The following LRFN5 variants were observed in gnomAD, a reference collection of about 807,000 sequenced individuals.
LRFN5 encodes the protein leucine rich repeat and fibronectin type III domain containing 5, also known as leucine-rich repeat and fibronectin type-III domain-containing protein 5.
A neutral mutation model predicts 45.6 loss-of-function variants in LRFN5; 24 were observed. The observed-to-expected ratio is 0.53, with a 90% CI of 0.38 to 0.74. The LOEUF (loss-of-function observed/expected upper bound fraction) is 0.74, where lower values mean the gene tolerates loss of function less well. LRFN5 is among the 30% of genes least tolerant of loss of function. The probability of loss-of-function intolerance (pLI) is 0.00; values close to 1 mark genes in which losing one functional copy is unlikely to be tolerated. For synonymous variants in LRFN5, 340 were observed against 313.8 expected (o/e 1.08, Z -0.88); for missense variants, 776 against 861.5 (o/e 0.90, Z 1.24).
intron 1 of LRFN5, among the ~76,000 whole-genome samples, chr14:41,635,235 A>C (rs1213412057): frequency 6.6e-6 from 1 of 152,146 alleles, no homozygotes; most frequent in Non-Finnish European, 1.5e-5. Flanking sequence ...ATTGACCTAG[A>C]TACAGCCTTC....
At chr14:41,628,285 A>G (rs1473063782) in intron 1 of LRFN5, among the ~76,000 whole-genome samples, 2 of 152,162 alleles carry the variant, frequency 1.3e-5, no homozygotes, top group East Asian at 1.9e-4. Flanking sequence ...AAAGATTTCT[A>G]TCTTTAGGCT....
chr14:41,705,442 G>T (rs1883024262), intron 1 of LRFN5, among the ~76,000 whole-genome samples: 1 of 152,110 alleles, frequency 6.6e-6, no homozygotes, highest in South Asian at 2.1e-4. Flanking sequence ...ATACTATTTT[G>T]CATTATAAAA....
chr14:41,850,799 C>A (rs758476568), intron 2 of LRFN5, among the ~76,000 whole-genome samples: 3 of 151,358 alleles, frequency 2.0e-5, no homozygotes, highest in Non-Finnish European at 4.4e-5. Context: ...TTACACAGCA[C>A]CCCCTCCATG....
intron 1 of LRFN5, among the ~76,000 whole-genome samples, chr14:41,667,854 A>C (rs934167420): frequency 2.0e-5 from 3 of 152,130 alleles, no homozygotes; most frequent in Non-Finnish European, 4.4e-5. Flanking sequence ...ATACCTATTT[A>C]TAATTAGTTA....
chr14:41,661,054 G>A (rs977553649), intron 1 of LRFN5, among the ~76,000 whole-genome samples: 37 of 150,680 alleles, frequency 2.5e-4, no homozygotes, highest in African/African-American at 7.3e-4. Context: ...TGCTAATCTC[G>A]TATGGGTCAG....
chr14:41,782,403 A>G (rs969084958), intron 2 of LRFN5, among the ~76,000 whole-genome samples: 1 of 151,950 alleles, frequency 6.6e-6, no homozygotes, highest in African/African-American at 2.4e-5. Flanking sequence ...TATAGTTGCC[A>G]TTTCTCTGCT....
chr14:41,684,046 T>A (rs1035340276), intron 1 of LRFN5, among the ~76,000 whole-genome samples: 2 of 152,192 alleles, frequency 1.3e-5, no homozygotes, highest in Non-Finnish European at 2.9e-5. Context: ...GACTTCAAAT[T>A]ATACTACACA....
intron 2 of LRFN5, among the ~76,000 whole-genome samples, chr14:41,854,381 G>A (rs1470740287): frequency 3.3e-5 from 5 of 151,932 alleles, no homozygotes; most frequent in Non-Finnish European, 5.9e-5. Context: ...GGGAGGGGGA[G>A]GGATAGCATT....
At chr14:41,614,114 T>C (rs1356675110) in intron 1 of LRFN5, among the ~76,000 whole-genome samples, 1 of 152,096 alleles carries the variant, frequency 6.6e-6, no homozygotes, top group African/African-American at 2.4e-5. Flanking sequence ...GCTCTCCTTT[T>C]ATTATTTTTT....
chr14:41,824,435 G>A (rs1033996295), intron 2 of LRFN5, among the ~76,000 whole-genome samples: 1 of 152,100 alleles, frequency 6.6e-6, no homozygotes. Context: ...GGTTGTAGAA[G>A]CTTTTGTATA....
intron 1 of LRFN5, among the ~76,000 whole-genome samples, chr14:41,650,266 C>CACAAAAA (rs1247683262): frequency 2.2e-5 from 3 of 135,456 alleles, no homozygotes; most frequent in Admixed American, 1.5e-4. Context: ...CACACACACA[C>CACAAAAA]AAAAAAAAAA....
At chr14:41,893,211 A>G in intron 4 of LRFN5, 1 of 973,666 alleles carries the variant, frequency 1.0e-6, no homozygotes, top group Non-Finnish European at 1.2e-6. Context: ...TTTTTAAAAC[A>G]GGATTTTAAA....
At chr14:41,751,642 G>C (rs1194660096) in intron 1 of LRFN5, among the ~76,000 whole-genome samples, 2 of 152,168 alleles carry the variant, frequency 1.3e-5, no homozygotes, top group South Asian at 2.1e-4. Context: ...AAGTCAGTTT[G>C]ACTTTGAGCA....
rs113831207 is a variant in LRFN5, at chr14:41,675,892, G to T, written c.-197+67330G>T. ...TTACCTAAAGGGCATTCAGCAAACA[G>T]ATAAACATTCATTTGAGAAAATCTA... On this transcript the variant is annotated intron_variant, in intron 1 of 5. Coordinates refer to ENST00000298119, the MANE Select transcript of LRFN5 (RefSeq NM_152447.5). 9.2e-3 allele frequency among the ~76,000 whole-genome samples: 1,401 copies of T among 152,256 alleles called. 30 individuals are homozygous for T. Among genetic ancestry groups the T allele is most frequent in the African/African-American group, 0.032 (1,346 of 41,562 alleles).
At chr14:41,771,367 C>G (rs554524657) in intron 2 of LRFN5, among the ~76,000 whole-genome samples, 1 of 152,024 alleles carries the variant, frequency 6.6e-6, no homozygotes, top group East Asian at 2.0e-4. Flanking sequence ...GTTGCTCCAT[C>G]GGTTCTTTAT....
chr14:41,846,813 T>G (rs1292951806), intron 2 of LRFN5, among the ~76,000 whole-genome samples: 1 of 152,148 alleles, frequency 6.6e-6, no homozygotes. Flanking sequence ...TTGTAAGGAC[T>G]GTGAGCCTCA....
At chr14:41,678,883 C>T (rs1195708206) in intron 1 of LRFN5, among the ~76,000 whole-genome samples, 1 of 152,176 alleles carries the variant, frequency 6.6e-6, no homozygotes, top group Non-Finnish European at 1.5e-5. Context: ...CACCTACACA[C>T]ACCTCCCCCA....
Position 41,887,642 on chromosome 14 carries a change from C to T in LRFN5, c.1017C>T (p.Asn339=), listed in dbSNP as rs771277505. The change falls in exon 3 of 6, where the codon AAC becomes AAT. Residue 339 remains asparagine, a synonymous_variant. Transcript: ENST00000298119. The surrounding 1 kb of genome is among the most constrained non-coding windows in gnomAD (Gnocchi z 4.8). ...SNATRSLVYD[N]GTLDILITTV... ...CAACAAGATCTCTGGTGTATGATAA[C>T]GGAACACTTGACATTCTTATCACAA... is the stretch of plus-strand genomic sequence containing the variant. 1.3e-5 allele frequency: 21 copies of T among 1,614,178 alleles called. No homozygotes were observed. Among genetic ancestry groups the T allele is most frequent in the Middle Eastern group, 1.6e-4 (1 of 6,062 alleles).
In LRFN5 at chr14:41,886,937, G is replaced by T; in HGVS notation, c.312G>T (p.Leu104Phe). 6.2e-7 allele frequency: 1 copy of T among 1,614,174 alleles called. No individual in the cohort carries two copies. Among genetic ancestry groups the T allele is most frequent in the Non-Finnish European group, 8.5e-7 (1 of 1,180,028 alleles). Residue 104 changes from leucine to phenylalanine, a missense_variant, in exon 3 of 6, where the codon TTG becomes TTT. Around this residue, in one of 2 missense-constraint regions of LRFN5, gnomAD observed 311 missense variants for 405.1 expected, o/e 0.77. Coordinates refer to ENST00000298119, the MANE Select transcript of LRFN5 (RefSeq NM_152447.5). ...CTGACCTACGAAATTTGAGGGCTTT[G>T]CATTTGAATAGCAACAGATTGACTA... ...AFADLRNLRA[L>F]HLNSNRLTKI...
Sources: gnomAD v4.1 joint callset for allele counts (sites outside exome capture counted in the v4.1 genomes callset) on GRCh38, gnomAD v4.1.1 for gene constraint, gnomAD v4.1.1 regional missense constraint, Gnocchi (gnomAD v3.1) non-coding constraint, MANE v1.5 for transcripts, NCBI Gene and HGNC (gene_info 2026-07-23, HGNC 2026-07-21) for gene names.